NRXN3: variants seen among roughly 807,000 people sequenced by gnomAD.
The protein encoded by NRXN3 is neurexin 3, also known as neurexin III.
A neutral mutation model predicts 137.6 loss-of-function variants in NRXN3; 32 were observed. The ratio of observed to expected loss-of-function variants is 0.23; its 90% CI spans 0.18 to 0.31. NRXN3 has a LOEUF of 0.31. NRXN3 is among the 10% of genes least tolerant of loss of function. NRXN3 has a pLI of 1.00. For missense variants in NRXN3, 1,574 were observed against 2,062.5 expected (o/e 0.76, Z 4.59); for synonymous variants, 798 against 784.5 (o/e 1.02, Z -0.29).
intron 10 of NRXN3, among the ~76,000 whole-genome samples, chr14:78,891,000 G>A (rs1257179435): frequency 6.6e-6 from 1 of 151,902 alleles, no homozygotes; most frequent in Non-Finnish European, 1.5e-5. Context: ...AAGTAGTATA[G>A]GTAATTTTTA....
chr14:79,710,283 T>TCTGTAACACTC (rs2098798472), intron 19 of NRXN3, among the ~76,000 whole-genome samples: 1 of 152,158 alleles, frequency 6.6e-6, no homozygotes, highest in Non-Finnish European at 1.5e-5. Flanking sequence ...ATTTCGTTGC[T>TCTGTAACACTC]CTGTAACACT....
At chr14:79,762,055 G>C (rs898133036) in intron 19 of NRXN3, among the ~76,000 whole-genome samples, 1 of 151,564 alleles carries the variant, frequency 6.6e-6, no homozygotes, top group African/African-American at 2.4e-5. Context: ...ATGTCTAGGG[G>C]AATGCTGATT....
At chr14:79,043,971 C>T (rs997329553) in intron 15 of NRXN3, among the ~76,000 whole-genome samples, 2 of 152,150 alleles carry the variant, frequency 1.3e-5, no homozygotes, top group African/African-American at 4.8e-5. Flanking sequence ...TGCTTTGCAG[C>T]ATCTGAGGAT....
chr14:78,903,147 C>CTTTTTTT lies in NRXN3; in HGVS notation c.2276-54084_2276-54078dup, dbSNP rs965920523. 5.6e-3 allele frequency among the ~76,000 whole-genome samples: 675 copies of CTTTTTTT among 121,378 alleles called. 41 individuals are homozygous for CTTTTTTT. In the East Asian group the frequency reaches 0.098, roughly 18 times the overall value. 79.6% of individuals were successfully genotyped at this position (121,378 alleles called of 152,430 possible). ...GAAATAAACAATGAAGTTTCATCTT[C>CTTTTTTT]TTTTTTTTTTTTTTTTTCTGAGACA... On this transcript the variant is annotated intron_variant, in intron 10 of 20. Coordinates refer to ENST00000335750, the MANE Select transcript of NRXN3 (RefSeq NM_001330195.2).
At chr14:78,989,504 G>A (rs2099514211) in intron 15 of NRXN3, among the ~76,000 whole-genome samples, 1 of 152,140 alleles carries the variant, frequency 6.6e-6, no homozygotes, top group South Asian at 2.1e-4. Context: ...CTCTGTATCT[G>A]TCATGTGAAG....
At chr14:78,701,973 T>G (rs537495487) in intron 6 of NRXN3, among the ~76,000 whole-genome samples, 15 of 152,334 alleles carry the variant, frequency 9.8e-5, no homozygotes, top group African/African-American at 3.4e-4. Context: ...AGGTTGGATG[T>G]CAGCTGTATC....
chr14:78,967,057 C>A, intron 12 of NRXN3, 151 bp from the exon 13 acceptor site: 1 of 658,826 alleles, frequency 1.5e-6, no homozygotes, highest in Non-Finnish European at 2.5e-6. Flanking sequence ...TCTGACTATT[C>A]TTGTAACCTC....
intron 20 of NRXN3, among the ~76,000 whole-genome samples, chr14:79,811,455 C>G (rs1229976407): frequency 6.6e-6 from 1 of 152,166 alleles, no homozygotes. Context: ...CATTTTTCAA[C>G]CGCCTTCATT....
intron 4 of NRXN3, among the ~76,000 whole-genome samples, chr14:78,602,916 C>T (rs1168224107): frequency 6.6e-6 from 1 of 152,066 alleles, no homozygotes; most frequent in Non-Finnish European, 1.5e-5. Flanking sequence ...CCCTGCCCTT[C>T]AGTTCATGGC....
chr14:79,766,651 C>T lies in NRXN3; in HGVS notation c.4015-38461C>T, dbSNP rs17174876. Reference sequence around the variant, plus strand: ...TGTAATCTCACAAAGATCTTCTTAGCTCTGGCAAAGCTGAGCCTGTCTAAA... The same window carrying T: ...TGTAATCTCACAAAGATCTTCTTAGTTCTGGCAAAGCTGAGCCTGTCTAAA... On this transcript the variant is annotated intron_variant, in intron 19 of 20. Transcript: ENST00000335750. Among the ~76,000 whole-genome samples the T allele has an allele frequency of 8.1e-3, 1,241 of 152,310 alleles. 14 individuals carry two copies. Among genetic ancestry groups the T allele is most frequent in the South Asian group, 0.023 (109 of 4,830 alleles).
intron 15 of NRXN3, among the ~76,000 whole-genome samples, chr14:79,260,452 C>G (rs2077424468): frequency 6.6e-6 from 1 of 152,160 alleles, no homozygotes; most frequent in Non-Finnish European, 1.5e-5. Context: ...AACCAGAAAA[C>G]AGAGAGGCTT....
At chr14:78,870,642 T>TA in intron 10 of NRXN3, among the ~76,000 whole-genome samples, 1 of 152,114 alleles carries the variant, frequency 6.6e-6, no homozygotes, top group East Asian at 1.9e-4. Flanking sequence ...TATCTAACTG[T>TA]GTTTTCGTGC....
intron 20 of NRXN3, among the ~76,000 whole-genome samples, chr14:79,841,947 T>A (rs1321455175): frequency 6.6e-6 from 1 of 152,218 alleles, no homozygotes; most frequent in Non-Finnish European, 1.5e-5. Context: ...GAATTGTGAA[T>A]GCAATGCTTC....
intron 3 of NRXN3, among the ~76,000 whole-genome samples, chr14:78,285,594 A>T (rs992696205): frequency 6.6e-6 from 1 of 152,234 alleles, no homozygotes; most frequent in Non-Finnish European, 1.5e-5. Flanking sequence ...ACAAAGGTAC[A>T]CTGGTGTTTA....
At chr14:79,615,239 G>A (rs913173479) in intron 16 of NRXN3, among the ~76,000 whole-genome samples, 4 of 152,168 alleles carry the variant, frequency 2.6e-5, no homozygotes, top group African/African-American at 9.7e-5. Flanking sequence ...AGAAATAAAT[G>A]TAATGCACTG....
chr14:79,289,939 A>G (rs2082891246), intron 15 of NRXN3, among the ~76,000 whole-genome samples: 1 of 152,126 alleles, frequency 6.6e-6, no homozygotes, highest in South Asian at 2.1e-4. Flanking sequence ...CTATGAAAAC[A>G]TAAAGCCCCT....
intron 20 of NRXN3, among the ~76,000 whole-genome samples, chr14:79,806,759 A>C (rs1361520054): frequency 6.7e-6 from 1 of 149,988 alleles, no homozygotes; most frequent in Non-Finnish European, 1.5e-5. Flanking sequence ...AGAATAGAAT[A>C]GTTTTGCTAT....
chr14:78,452,101 A>G (rs376800350), intron 4 of NRXN3, among the ~76,000 whole-genome samples: 24 of 152,344 alleles, frequency 1.6e-4, no homozygotes, highest in African/African-American at 2.9e-4. Flanking sequence ...ATATTTTGCT[A>G]AATTTTTATG....
intron 8 of NRXN3, among the ~76,000 whole-genome samples, chr14:78,783,045 A>T (rs2098775637): frequency 6.6e-6 from 1 of 152,208 alleles, no homozygotes; most frequent in South Asian, 2.1e-4. Flanking sequence ...TAGTGGATAA[A>T]AGTTTGAGGA....
Sources: allele counts gnomAD v4.1 joint callset (sites outside exome capture counted in the v4.1 genomes callset), GRCh38; gene constraint gnomAD v4.1.1; transcripts MANE v1.5; gene names NCBI Gene and HGNC (gene_info 2026-07-23, HGNC 2026-07-21).